Variants in IRAK1BP1 observed in about 807,000 individuals in gnomAD.
IRAK1BP1 encodes the protein interleukin 1 receptor associated kinase 1 binding protein 1.
Under a neutral mutation model 28.0 loss-of-function variants are expected in IRAK1BP1, and 24 were observed. That is an observed-to-expected ratio of 0.86 (90% confidence interval 0.62 to 1.20). The LOEUF (loss-of-function observed/expected upper bound fraction) is 1.20, where lower values mean the gene tolerates loss of function less well. Ranked by LOEUF, IRAK1BP1 falls within the 50% of genes most tolerant of loss-of-function variation. The probability of loss-of-function intolerance (pLI) is 0.00; values close to 1 mark genes in which losing one functional copy is unlikely to be tolerated. For synonymous variants in IRAK1BP1, 131 were observed against 116.3 expected (o/e 1.13, Z -0.81); for missense variants, 336 against 316.7 (o/e 1.06, Z -0.46).
At chr6:78,922,704 A>G (rs1208694264) in intron 4 of IRAK1BP1, among the ~76,000 whole-genome samples, 1 of 152,250 alleles carries the variant, frequency 6.6e-6, no homozygotes, top group African/African-American at 2.4e-5. Flanking sequence ...AGGGAAGCCC[A>G]TCAGACTAAC....
chr6:78,935,732 T>C, intron 4 of IRAK1BP1: 1 of 985,302 alleles, frequency 1.0e-6, no homozygotes, highest in Non-Finnish European at 1.2e-6. Flanking sequence ...GAAACTCTAA[T>C]GAACCAGCAT....
intron 1 of IRAK1BP1, among the ~76,000 whole-genome samples, chr6:78,879,228 A>G (rs910286227): frequency 6.6e-6 from 1 of 152,166 alleles, no homozygotes. Flanking sequence ...TAGGGATAGC[A>G]TTAGGAGATA....
the IRAK1BP1 span, among the ~76,000 whole-genome samples, chr6:78,952,363 G>C: frequency 2.0e-5 from 3 of 147,422 alleles, no homozygotes; most frequent in Non-Finnish European, 4.5e-5. Flanking sequence ...AGTTTGTAGT[G>C]AGCCGAGATT....
intron 4 of IRAK1BP1, among the ~76,000 whole-genome samples, chr6:78,928,058 G>A (rs1418858185): frequency 6.6e-6 from 1 of 152,004 alleles, no homozygotes; most frequent in Non-Finnish European, 1.5e-5. Flanking sequence ...GATTGTTTTT[G>A]CTGTTTCTGT....
At chr6:78,922,126 G>A (rs1202790716) in intron 4 of IRAK1BP1, among the ~76,000 whole-genome samples, 1 of 152,152 alleles carries the variant, frequency 6.6e-6, no homozygotes, top group Non-Finnish European at 1.5e-5. Flanking sequence ...AAATTACTCT[G>A]AGCTAAAGGA....
At chr6:78,910,248 G>GC (rs1772368254) in intron 4 of IRAK1BP1, among the ~76,000 whole-genome samples, 1 of 152,136 alleles carries the variant, frequency 6.6e-6, no homozygotes, top group South Asian at 2.1e-4. Flanking sequence ...GGGAGGACGG[G>GC]CGAGGGCCTA....
the IRAK1BP1 span, chr6:78,954,975 G>A: frequency 6.6e-7 from 1 of 1,525,910 alleles, no homozygotes; most frequent in Admixed American, 2.4e-5. Flanking sequence ...TGTGATAAAA[G>A]TGTTCAAATA....
chr6:78,918,708 A>C (rs1469966402), intron 4 of IRAK1BP1, among the ~76,000 whole-genome samples: 1 of 152,140 alleles, frequency 6.6e-6, no homozygotes, highest in Non-Finnish European at 1.5e-5. Context: ...TCATAAAACA[A>C]ATACTTCTAG....
At chr6:78,896,549 G>A (rs1771889747) in intron 2 of IRAK1BP1, among the ~76,000 whole-genome samples, 1 of 152,174 alleles carries the variant, frequency 6.6e-6, no homozygotes, top group African/African-American at 2.4e-5. Flanking sequence ...GTAGTTGCCA[G>A]GGTTTAGGAA....
the IRAK1BP1 span, among the ~76,000 whole-genome samples, chr6:78,967,082 AAAGAG>A: frequency 6.6e-6 from 1 of 152,224 alleles, no homozygotes; most frequent in Non-Finnish European, 1.5e-5. Context: ...TTTTAAACTC[AAAGAG>A]AAAAGTAGTT....
intron 1 of IRAK1BP1, among the ~76,000 whole-genome samples, chr6:78,873,289 A>G (rs1770860375): frequency 6.8e-6 from 1 of 146,332 alleles, no homozygotes; most frequent in Non-Finnish European, 1.5e-5. Flanking sequence ...AAAGATTGTA[A>G]ATAACCTGTC....
intron 2 of IRAK1BP1, among the ~76,000 whole-genome samples, chr6:78,893,314 GTATATATATA>G (rs60728695): frequency 0.086 from 8,890 of 103,476 alleles, 501 homozygotes; most frequent in Admixed American, 0.22. Context: ...GTGTGTGTGT[GTATATATATA>G]TATATATATA....
intron 4 of IRAK1BP1, among the ~76,000 whole-genome samples, chr6:78,933,355 C>T (rs1313888164): frequency 3.9e-5 from 6 of 152,202 alleles, no homozygotes; most frequent in South Asian, 4.1e-4. Context: ...CGATGGCTCA[C>T]GCCTGTAATC....
At chr6:78,897,112 G>C (rs1274370608) in intron 2 of IRAK1BP1, among the ~76,000 whole-genome samples, 1 of 151,618 alleles carries the variant, frequency 6.6e-6, no homozygotes, top group African/African-American at 2.4e-5. Flanking sequence ...AATTAGCTGG[G>C]CATGGTGGTG....
In IRAK1BP1 at chr6:78,873,254, CAAAAA is replaced by C. The variant is rs35962544; in HGVS notation, c.315+5386_315+5390del. Among the ~76,000 whole-genome samples, 219 of 41,076 alleles carry C rather than the reference CAAAAA, an allele frequency of 5.3e-3. 1 individual carries two copies. In the South Asian group the frequency reaches 0.12, roughly 22 times the overall value. The allele number at this position is 41,076 out of a possible 152,430, so 26.9% of individuals were successfully genotyped here. A position where few individuals can be genotyped will look rare whatever the true frequency, so the allele number is the denominator to read the frequency against. On this transcript the variant is annotated intron_variant, in intron 1 of 3. Coordinates refer to ENST00000369940, the MANE Select transcript of IRAK1BP1 (RefSeq NM_001010844.4). ...TAGGCAACAGAGTGAAACTCTGTCT[CAAAAA>C]AAAAAAAAAAAAAAAAAAAAAAGAT... is the stretch of plus-strand genomic sequence containing the variant.
chr6:78,916,800 C>G (rs145512392), intron 4 of IRAK1BP1, among the ~76,000 whole-genome samples: 211 of 152,128 alleles, frequency 1.4e-3, no homozygotes, highest in African/African-American at 4.8e-3. Context: ...AAAAAATAGC[C>G]GGACATGGTG....
At chr6:78,880,270 A>G (rs758360046) in intron 1 of IRAK1BP1, among the ~76,000 whole-genome samples, 1 of 152,230 alleles carries the variant, frequency 6.6e-6, no homozygotes, top group Non-Finnish European at 1.5e-5. Context: ...TATATACTTA[A>G]TGATTGAATA....
Position 78,902,557 on chromosome 6 carries a change from G to C in IRAK1BP1, c.*4223G>C, listed in dbSNP as rs1240383688. 1.3e-5 allele frequency: 2 copies of C among 154,172 alleles called. No individual in the cohort carries two copies. The highest frequency in any genetic ancestry group is 2.9e-5 in the Non-Finnish European group (2 of 69,282). The allele number at this position is 154,172 out of a possible 1,614,324, so 9.6% of individuals were successfully genotyped here. On this transcript the variant is annotated 3_prime_UTR_variant, in exon 4 of 4. Coordinates refer to ENST00000369940, the MANE Select transcript of IRAK1BP1 (RefSeq NM_001010844.4). Reference sequence around the variant, plus strand: ...AGGCCGAGGTAGGCAGATCACTTGAGGTCAGGAGTTCGAGACCAACCTGGC... The same window carrying C: ...AGGCCGAGGTAGGCAGATCACTTGACGTCAGGAGTTCGAGACCAACCTGGC...
chr6:78,940,774 G>C (rs148793858), intron 4 of IRAK1BP1: 6 of 1,613,586 alleles, frequency 3.7e-6, no homozygotes, highest in Non-Finnish European at 5.1e-6. Context: ...AAGTTAAAGA[G>C]GTGTCTTCGA....
Sources: allele counts gnomAD v4.1 joint callset (sites outside exome capture counted in the v4.1 genomes callset), GRCh38; gene constraint gnomAD v4.1.1; transcripts MANE v1.5; gene names NCBI Gene and HGNC (gene_info 2026-07-23, HGNC 2026-07-21).